Variants in FBXW2 observed in about 807,000 individuals in gnomAD.
The protein encoded by FBXW2 is F-box and WD repeat domain containing 2.
FBXW2 carries 12 observed loss-of-function variants against 46.0 expected under a neutral mutation model. The ratio of observed to expected loss-of-function variants is 0.26; its 90% CI spans 0.17 to 0.42. The LOEUF is 0.42. Among genes scored for constraint, FBXW2 ranks in the 10% least tolerant of loss-of-function variants. FBXW2 has a pLI of 1.00. For synonymous variants in FBXW2, 203 were observed against 209.6 expected (o/e 0.97, Z 0.27); for missense variants, 360 against 537.0 (o/e 0.67, Z 3.26).
intron 5 of FBXW2, among the ~76,000 whole-genome samples, chr9:120,774,337 C>CAAA (rs34199690): frequency 5.3e-5 from 4 of 76,104 alleles, no homozygotes; most frequent in African/African-American, 9.8e-5. Flanking sequence ...AACTCCATCT[C>CAAA]AAAAAAAAAA....
rs537567398 is a variant in FBXW2 at position 120,761,460 on chromosome 9, T to C, written c.*3099A>G. ...GAGGGAAAGGCAATTCCCTTACCTA[T>C]GCGCTAAGGAAGCCAAAGTCAGTGT... On this transcript the variant is annotated 3_prime_UTR_variant, in exon 8 of 8. Transcript: ENST00000608872. 7 of 152,316 alleles carry C rather than the reference T, an allele frequency of 4.6e-5. No individual in the cohort carries two copies. Among genetic ancestry groups the C allele is most frequent in the African/African-American group, 1.2e-4 (5 of 41,574 alleles). The allele number at this position is 152,316 out of a possible 1,614,324, so 9.4% of individuals were successfully genotyped here. A position where few individuals can be genotyped will look rare whatever the true frequency, so the allele number is the denominator to read the frequency against.
At chr9:120,770,201 C>A (rs1054585315) in intron 7 of FBXW2, among the ~76,000 whole-genome samples, 2 of 152,024 alleles carry the variant, frequency 1.3e-5, no homozygotes, top group South Asian at 2.1e-4. Context: ...ACAGTGAAAC[C>A]CCGTCTCTAC....
chr9:120,773,186 C>T (rs1269125085), intron 5 of FBXW2, among the ~76,000 whole-genome samples: 1 of 140,488 alleles, frequency 7.1e-6, no homozygotes, highest in Admixed American at 7.2e-5. Context: ...GACCACAACG[C>T]TTAAAAAAAA....
rs78080748 is a variant in FBXW2 at position 120,775,723 on chromosome 9, T to C, written c.819+370A>G. ...TGCTTTTCTGATTAAGAAAGAAACATGTTTATTCTAAAGGGAAAAACACGC... is the reference window on the plus strand; with the variant it reads ...TGCTTTTCTGATTAAGAAAGAAACACGTTTATTCTAAAGGGAAAAACACGC... On this transcript the variant is annotated intron_variant, in intron 5 of 7. Transcript: ENST00000608872. Among the ~76,000 whole-genome samples, 273 of 152,356 alleles carry C rather than the reference T, an allele frequency of 1.8e-3. 2 individuals are homozygous for C. Among genetic ancestry groups the C allele is most frequent in the African/African-American group, 6.3e-3 (262 of 41,584 alleles).
chr9:120,765,822 G>T (rs2044266677), intron 7 of FBXW2, among the ~76,000 whole-genome samples: 1 of 152,104 alleles, frequency 6.6e-6, no homozygotes, highest in Non-Finnish European at 1.5e-5. Flanking sequence ...AAACAACTAG[G>T]GGAAGCAGAG....
At chr9:120,782,359 G>A (rs1255400246) in intron 3 of FBXW2, among the ~76,000 whole-genome samples, 1 of 151,766 alleles carries the variant, frequency 6.6e-6, no homozygotes, top group Non-Finnish European at 1.5e-5. Flanking sequence ...CCAGCTACTC[G>A]GGAGGCTGAG....
At chr9:120,776,490 G>A in intron 4 of FBXW2, 1 of 381,640 alleles carries the variant, frequency 2.6e-6, no homozygotes, top group Non-Finnish European at 4.8e-6. Context: ...AACAAATGTT[G>A]GAGATAATGG....
intron 4 of FBXW2, 52 bp downstream of exon 4, chr9:120,778,299 G>C: frequency 6.7e-7 from 1 of 1,481,954 alleles, no homozygotes; most frequent in Non-Finnish European, 9.1e-7. Flanking sequence ...TTGGCTCCTG[G>C]CTTAAAAGGA....
rs2044146402 is a variant in FBXW2, at chr9:120,757,667, G to A, written c.*6892C>T. On this transcript the variant is annotated 3_prime_UTR_variant, in exon 8 of 8. Coordinates refer to ENST00000608872, the MANE Select transcript of FBXW2 (RefSeq NM_012164.4). The stretch of plus-strand genomic sequence containing the variant: ...AGTATTAAAAATCGTAATGATAAAG[G>A]AGCTCTGGGTAATTTTCTCCATAAG... The A allele has an allele frequency of 6.6e-6, 1 of 152,108 alleles. No individual in the cohort carries two copies. Among genetic ancestry groups the A allele is most frequent in the Non-Finnish European group, 1.5e-5 (1 of 68,026 alleles). 9.4% of individuals were successfully genotyped at this position (152,108 alleles called of 1,614,324 possible).
At chr9:120,778,032 G>C (rs13300027) in intron 4 of FBXW2, among the ~76,000 whole-genome samples, 1 of 151,234 alleles carries the variant, frequency 6.6e-6, no homozygotes, top group East Asian at 1.9e-4. Context: ...AAAAGCCAAG[G>C]GACTGTCTGT....
intron 3 of FBXW2, among the ~76,000 whole-genome samples, chr9:120,782,786 G>A (rs1027727960): frequency 6.6e-6 from 1 of 152,148 alleles, no homozygotes; most frequent in African/African-American, 2.4e-5. Flanking sequence ...AAGTTACAGT[G>A]AGCCAAGATC....
chr9:120,779,619 G>C (rs952328753), intron 3 of FBXW2, among the ~76,000 whole-genome samples: 4 of 152,156 alleles, frequency 2.6e-5, no homozygotes, highest in Non-Finnish European at 4.4e-5. Context: ...GGTAGGACTT[G>C]GTTGGTTCTC....
chr9:120,786,777 T>G (rs770448679), intron 3 of FBXW2, among the ~76,000 whole-genome samples: 45 of 152,328 alleles, frequency 3.0e-4, no homozygotes, highest in Admixed American at 1.8e-3. Context: ...ATTATTTACA[T>G]TGCCTGTCAA....
In FBXW2 at chr9:120,764,403, C is replaced by T; in HGVS notation, c.*156G>A. 1 of 812,162 alleles carries T rather than the reference C, an allele frequency of 1.2e-6. No homozygotes were observed. The highest frequency in any genetic ancestry group is 1.8e-5 in the South Asian group (1 of 55,640). 50.3% of individuals were successfully genotyped at this position (812,162 alleles called of 1,614,324 possible). ...AAAACAAGCCCTCCCCCACCCCGAG[C>T]CCTGGCCCCTGGCAAAACATAGATA... is the stretch of plus-strand genomic sequence containing the variant. On this transcript the variant is annotated 3_prime_UTR_variant, in exon 8 of 8. Transcript: ENST00000608872.
chr9:120,768,655 T>C (rs2044317696), intron 7 of FBXW2, among the ~76,000 whole-genome samples: 1 of 151,922 alleles, frequency 6.6e-6, no homozygotes. Flanking sequence ...ACCCCATCGC[T>C]ACTAAAAATA....
chr9:120,788,043 G>A lies in FBXW2; in HGVS notation c.216C>T (p.Leu72=), dbSNP rs199599523. ...LELSFYLLKW[L]DPQTLLTCCL... ...AGCATGTGAGTAAAGTCTGAGGATCGAGCCATTTTAACAAATAAAAACTGA... is the reference window on the plus strand; with the variant it reads ...AGCATGTGAGTAAAGTCTGAGGATCAAGCCATTTTAACAAATAAAAACTGA... The change falls in exon 3 of 8, where the codon CTC becomes CTT. Residue 72 remains leucine, a synonymous_variant. Coordinates refer to ENST00000608872, the MANE Select transcript of FBXW2 (RefSeq NM_012164.4). 18 of 1,614,112 alleles carry A rather than the reference G, an allele frequency of 1.1e-5. No individual in the cohort carries two copies. The East Asian group carries it at 1.3e-4, about 12-fold the overall frequency.
intron 3 of FBXW2, among the ~76,000 whole-genome samples, chr9:120,782,807 A>T (rs1225353942): frequency 6.6e-6 from 1 of 152,084 alleles, no homozygotes; most frequent in Non-Finnish European, 1.5e-5. Context: ...ATGTCACTGT[A>T]CTCCAACCAC....
At position 120,793,379 on chromosome 9, in the gene FBXW2, T is replaced by C. The variant is rs2044899560; in HGVS notation, c.-155A>G. 2.5e-6 allele frequency: 1 copy of C among 401,072 alleles called. No homozygotes were observed. Among genetic ancestry groups the C allele is most frequent in the Non-Finnish European group, 4.4e-6 (1 of 227,694 alleles). The allele number at this position is 401,072 out of a possible 1,614,324, so 24.8% of individuals were successfully genotyped here. On this transcript the variant is annotated 5_prime_UTR_variant, in exon 1 of 8. Transcript: ENST00000608872. ...CCGGACCTGCGGCCGCTGCTCCCGGTCCGCAGCCTCACAGGGGAGCGGCTT... is the reference window on the plus strand; with the variant it reads ...CCGGACCTGCGGCCGCTGCTCCCGGCCCGCAGCCTCACAGGGGAGCGGCTT...
chr9:120,769,970 C>T (rs1418163085), intron 7 of FBXW2, among the ~76,000 whole-genome samples: 1 of 152,154 alleles, frequency 6.6e-6, no homozygotes, highest in Non-Finnish European at 1.5e-5. Context: ...GGTCTGATTC[C>T]AGGAAGACAT....
Sources: gnomAD v4.1 joint callset for allele counts (sites outside exome capture counted in the v4.1 genomes callset) on GRCh38, gnomAD v4.1.1 for gene constraint, MANE v1.5 for transcripts, NCBI Gene and HGNC (gene_info 2026-07-23, HGNC 2026-07-21) for gene names.